Variants in SGCD observed in about 807,000 individuals in gnomAD.
The protein encoded by SGCD is sarcoglycan delta.
Under a neutral mutation model 36.6 loss-of-function variants are expected in SGCD, and 18 were observed. The observed-to-expected ratio is 0.49, with a 90% CI of 0.34 to 0.73. The LOEUF (loss-of-function observed/expected upper bound fraction) is 0.73, where lower values mean the gene tolerates loss of function less well. Ranked by LOEUF, SGCD falls within the 30% of genes least tolerant of loss-of-function variation. The pLI is 0.01. For synonymous variants in SGCD, 133 were observed against 130.6 expected (o/e 1.02, Z -0.12); for missense variants, 387 against 346.7 (o/e 1.12, Z -0.92).
intron 6 of SGCD, among the ~76,000 whole-genome samples, chr5:156,595,368 G>A (rs1760885132): frequency 6.6e-6 from 1 of 152,156 alleles, no homozygotes; most frequent in African/African-American, 2.4e-5. Context: ...GCTCGTATCT[G>A]ATCTCAGACT....
At chr5:156,185,418 G>GTA (rs1763717350) in intron 3 of SGCD, among the ~76,000 whole-genome samples, 1 of 151,832 alleles carries the variant, frequency 6.6e-6, no homozygotes, top group Non-Finnish European at 1.5e-5. Flanking sequence ...GTTTCACCAC[G>GTA]TTAGCCAGGA....
At chr5:156,583,732 T>C (rs1357991584) in intron 4 of SGCD, among the ~76,000 whole-genome samples, 1 of 152,152 alleles carries the variant, frequency 6.6e-6, no homozygotes, top group East Asian at 1.9e-4. Context: ...ACAAAGATAA[T>C]ATGACATTGG....
chr5:156,315,852 G>A (rs1408627453), intron 3 of SGCD, among the ~76,000 whole-genome samples: 1 of 151,872 alleles, frequency 6.6e-6, no homozygotes, highest in Non-Finnish European at 1.5e-5. Flanking sequence ...CCATTTGTAT[G>A]TCTTTGGGAA....
Position 156,060,627 on chromosome 5 carries a change from G to A in SGCD, c.-281-57251G>A, listed in dbSNP as rs1048747218. Among the ~76,000 whole-genome samples, 11 of 145,766 alleles carry A rather than the reference G, an allele frequency of 7.5e-5. 2 individuals are homozygous for A. The highest frequency in any genetic ancestry group is 2.7e-4 in the African/African-American group (11 of 40,542). Reference sequence around the variant, plus strand: ...CTTCATCAATGCTGGAATATATGTTGTTTTGTTGCATAGAAATAGGGTGTA... The same window carrying A: ...CTTCATCAATGCTGGAATATATGTTATTTTGTTGCATAGAAATAGGGTGTA... On this transcript the variant is annotated intron_variant, in intron 1 of 9. Coordinates refer to the SGCD transcript ENST00000517913.
At chr5:156,474,644 C>G (rs756720961) in intron 3 of SGCD, among the ~76,000 whole-genome samples, 1 of 152,170 alleles carries the variant, frequency 6.6e-6, no homozygotes, top group East Asian at 1.9e-4. Context: ...TTTTGGTCCC[C>G]ATTGAAGCAG....
At chr5:156,020,429 T>C (rs1380640041) in intron 1 of SGCD, among the ~76,000 whole-genome samples, 3 of 152,236 alleles carry the variant, frequency 2.0e-5, no homozygotes, top group African/African-American at 7.2e-5. Context: ...TTCATATTTT[T>C]AACAGCCACA....
At chr5:156,316,766 T>A (rs377592989) in intron 3 of SGCD, among the ~76,000 whole-genome samples, 14 of 152,076 alleles carry the variant, frequency 9.2e-5, no homozygotes, top group African/African-American at 3.4e-4. Flanking sequence ...CTGTGAGAGA[T>A]GGGAACTAAG....
At chr5:155,897,520 TTC>T (rs1756292837) in intron 1 of SGCD, among the ~76,000 whole-genome samples, 1 of 152,186 alleles carries the variant, frequency 6.6e-6, no homozygotes. Context: ...TGACTATAAT[TTC>T]TTTCTCTACA....
intron 3 of SGCD, among the ~76,000 whole-genome samples, chr5:156,428,082 A>G (rs1773754058): frequency 6.6e-6 from 1 of 152,008 alleles, no homozygotes; most frequent in African/African-American, 2.4e-5. Context: ...CTCTTTCTCT[A>G]TCTTGTGGAA....
At chr5:156,237,475 A>C (rs750000959) in intron 3 of SGCD, among the ~76,000 whole-genome samples, 3 of 152,106 alleles carry the variant, frequency 2.0e-5, no homozygotes, top group Non-Finnish European at 4.4e-5. Flanking sequence ...AAATGAAAAA[A>C]TTAGCTGGCC....
At chr5:156,329,302 C>T (rs1767958583) in intron 1 of SGCD, among the ~76,000 whole-genome samples, 1 of 152,178 alleles carries the variant, frequency 6.6e-6, no homozygotes, top group African/African-American at 2.4e-5. Flanking sequence ...GCCAAAGCCA[C>T]CAGGCACTGA....
the SGCD span, among the ~76,000 whole-genome samples, chr5:155,730,031 T>TA: frequency 9.9e-5 from 15 of 152,192 alleles, no homozygotes; most frequent in Admixed American, 9.8e-4. Flanking sequence ...CAGGCGTTTT[T>TA]ATCTTGAGAT....
chr5:156,505,210 G>A (rs1314271620), intron 3 of SGCD, among the ~76,000 whole-genome samples: 1 of 152,216 alleles, frequency 6.6e-6, no homozygotes, highest in Non-Finnish European at 1.5e-5. Flanking sequence ...CTGCAGGTGA[G>A]ACACGTGCCA....
At chr5:155,899,263 G>A (rs1303713354) in intron 1 of SGCD, among the ~76,000 whole-genome samples, 6 of 152,170 alleles carry the variant, frequency 3.9e-5, no homozygotes, top group Non-Finnish European at 7.4e-5. Flanking sequence ...AACCATCACA[G>A]CTTTTTCCCT....
intron 4 of SGCD, among the ~76,000 whole-genome samples, chr5:156,521,817 C>T (rs187108722): frequency 2.9e-4 from 44 of 152,254 alleles, no homozygotes; most frequent in African/African-American, 1.0e-3. Context: ...ACTAAAAATA[C>T]CATTTGTCCC....
the SGCD span, among the ~76,000 whole-genome samples, chr5:155,735,000 C>A: frequency 0.046 from 7,068 of 152,230 alleles, 519 homozygotes; most frequent in African/African-American, 0.16. Flanking sequence ...GATCAAGGGA[C>A]TGGTTTTATT....
intron 3 of SGCD, among the ~76,000 whole-genome samples, chr5:156,284,323 G>T (rs1006147347): frequency 1.3e-5 from 2 of 152,128 alleles, no homozygotes; most frequent in Non-Finnish European, 2.9e-5. Flanking sequence ...CTCATTTGAT[G>T]AGGCCAGCAT....
chr5:156,272,122 G>T (rs1766197154), intron 3 of SGCD, among the ~76,000 whole-genome samples: 1 of 152,082 alleles, frequency 6.6e-6, no homozygotes. Context: ...CACTCAAGCA[G>T]TGTACACTGT....
At chr5:156,250,850 T>C (rs1226183906) in intron 3 of SGCD, among the ~76,000 whole-genome samples, 1 of 152,220 alleles carries the variant, frequency 6.6e-6, no homozygotes, top group Non-Finnish European at 1.5e-5. Context: ...GAAAATGCTG[T>C]GTAAGTCTGT....
Sources: gnomAD v4.1 joint callset for allele counts (sites outside exome capture counted in the v4.1 genomes callset) on GRCh38, gnomAD v4.1.1 for gene constraint, MANE v1.5 for transcripts, NCBI Gene and HGNC (gene_info 2026-07-23, HGNC 2026-07-21) for gene names.